The following DCDC1 variants were observed in gnomAD, a reference collection of about 807,000 sequenced individuals.
The protein encoded by DCDC1 is doublecortin domain-containing protein 1.
A neutral mutation model predicts 178.3 loss-of-function variants in DCDC1; 200 were observed. The observed-to-expected ratio is 1.12, with a 90% CI of 1.00 to 1.26. The LOEUF is 1.26. Among genes scored for constraint, DCDC1 ranks in the 50% most tolerant of loss-of-function variants. The pLI is 0.00. For missense variants in DCDC1, 1,983 were observed against 1,749.2 expected (o/e 1.13, Z -2.38); for synonymous variants, 690 against 604.8 (o/e 1.14, Z -2.07).
intron 18 of DCDC1, among the ~76,000 whole-genome samples, chr11:31,074,722 G>A (rs1956765729): frequency 6.6e-6 from 1 of 152,172 alleles, no homozygotes; most frequent in African/African-American, 2.4e-5. Context: ...GAAGTAGGGT[G>A]TTGTTATAAC....
chr11:30,894,216 G>A (rs1324517927), intron 35 of DCDC1, 32 bp downstream of exon 35: 4 of 1,594,574 alleles, frequency 2.5e-6, no homozygotes, highest in Non-Finnish European at 3.4e-6. Context: ...AAAGGGCAGA[G>A]TCTTTAATGT....
chr11:31,116,538 T>C (rs1565305478), intron 11 of DCDC1, among the ~76,000 whole-genome samples: 1 of 152,060 alleles, frequency 6.6e-6, no homozygotes, highest in Non-Finnish European at 1.5e-5. Flanking sequence ...GGATGGTTTT[T>C]AGAATATCCA....
In DCDC1 at chr11:30,960,149, G is replaced by A. The variant is rs185058416; in HGVS notation, c.2592-7581C>T. On this transcript the variant is annotated intron_variant, in intron 20 of 38. Coordinates refer to ENST00000684477, the MANE Select transcript of DCDC1 (RefSeq NM_001387274.1). ...CTCAACCAAGAAGTTGGGTGTTGGG[G>A]ATGGAATTTAATCTTCAAGTATAAA... is the stretch of plus-strand genomic sequence containing the variant. Among the ~76,000 whole-genome samples the A allele has an allele frequency of 1.2e-4, 19 of 152,180 alleles. No homozygotes were observed. The East Asian group carries it at 3.5e-3, about 28-fold the overall frequency.
intron 7 of DCDC1, among the ~76,000 whole-genome samples, chr11:31,272,999 C>T (rs1022158085): frequency 6.6e-5 from 10 of 152,304 alleles, no homozygotes; most frequent in East Asian, 1.9e-4. Flanking sequence ...CTTTCAGCCA[C>T]GGCTGGAGCA....
At chr11:31,350,147 A>G (rs1294577382) in intron 1 of DCDC1, among the ~76,000 whole-genome samples, 1 of 152,196 alleles carries the variant, frequency 6.6e-6, no homozygotes, top group East Asian at 1.9e-4. Flanking sequence ...TTCTAAAATT[A>G]TCAGAAGTAT....
intron 25 of DCDC1, among the ~76,000 whole-genome samples, chr11:30,919,443 A>G (rs1376804036): frequency 2.0e-5 from 3 of 152,208 alleles, no homozygotes; most frequent in African/African-American, 7.2e-5. Flanking sequence ...CCAGGCCTTC[A>G]TGAAATCTCT....
chr11:31,317,979 A>AACC (rs1274181107), intron 3 of DCDC1, among the ~76,000 whole-genome samples: 1 of 1,076 alleles, frequency 9.3e-4, no homozygotes, highest in East Asian at 0.017. Flanking sequence ...GCGTATATTG[A>AACC]ACCAGCCTTG....
At chr11:30,999,092 G>T (rs1951427568) in intron 20 of DCDC1, among the ~76,000 whole-genome samples, 1 of 152,086 alleles carries the variant, frequency 6.6e-6, no homozygotes, top group South Asian at 2.1e-4. Context: ...ATTCAGAAGG[G>T]TCAAGGCTAT....
At chr11:31,301,735 A>T (rs1349971408) in intron 6 of DCDC1, among the ~76,000 whole-genome samples, 2 of 152,198 alleles carry the variant, frequency 1.3e-5, no homozygotes, top group African/African-American at 4.8e-5. Context: ...TAAAATGATG[A>T]GAATCCATCA....
At chr11:31,285,063 TTC>T (rs1249232427) in intron 7 of DCDC1, among the ~76,000 whole-genome samples, 5 of 152,216 alleles carry the variant, frequency 3.3e-5, no homozygotes, top group African/African-American at 1.2e-4. Flanking sequence ...ACATTCTTTT[TTC>T]TTTTTGCTTT....
intron 9 of DCDC1, among the ~76,000 whole-genome samples, chr11:31,223,141 T>A (rs1027904072): frequency 6.6e-6 from 1 of 152,176 alleles, no homozygotes; most frequent in Non-Finnish European, 1.5e-5. Context: ...ATTTTCAATT[T>A]GAACATTATC....
chr11:31,270,926 C>T (rs150086670), intron 7 of DCDC1, among the ~76,000 whole-genome samples: 3 of 152,172 alleles, frequency 2.0e-5, no homozygotes, highest in Non-Finnish European at 4.4e-5. Flanking sequence ...TGCTGCTGGA[C>T]AAAGTCACAC....
At chr11:31,033,479 T>A in intron 20 of DCDC1, among the ~76,000 whole-genome samples, 1 of 152,288 alleles carries the variant, frequency 6.6e-6, no homozygotes, top group South Asian at 2.1e-4. Context: ...AGTTGTTTCT[T>A]CTCTCCCATT....
chr11:30,965,706 G>T (rs1478477719), intron 20 of DCDC1, among the ~76,000 whole-genome samples: 1 of 142,842 alleles, frequency 7.0e-6, no homozygotes, highest in Non-Finnish European at 1.5e-5. Flanking sequence ...AGCCACTAAC[G>T]TGTCATCTAG....
rs1302912040 is a variant in DCDC1 at position 31,127,580 on chromosome 11, A to T, written c.1374T>A (p.Cys458Ter). ...CAGCCTGTAATTGGGGGCCAAGTTT[A>T]CAGAGATGACCTATGTTACTTTTGA... Reference protein sequence around the residue: ...TAIKSNIGHLCKLGPQLQAEQ... With the variant: ...TAIKSNIGHL The change falls in exon 11 of 39, where the codon TGT (cysteine) becomes TGA (stop). Residue 458 changes from cysteine to a stop codon, truncating the protein, a stop_gained. Transcript: ENST00000684477. LOFTEE classifies it high-confidence loss of function. The T allele has an allele frequency of 1.4e-6, 1 of 702,602 alleles. No individual in the cohort carries two copies. Among genetic ancestry groups the T allele is most frequent in the East Asian group, 2.7e-5 (1 of 37,278 alleles). 43.5% of individuals were successfully genotyped at this position (702,602 alleles called of 1,614,324 possible).
intron 5 of DCDC1, 55 bp from the exon 6 acceptor site, chr11:31,305,832 T>C (rs1948421835): frequency 3.2e-6 from 5 of 1,575,880 alleles, no homozygotes; most frequent in African/African-American, 1.4e-5. Context: ...AAGTAATATA[T>C]TTCCCTCAAA....
intron 38 of DCDC1, among the ~76,000 whole-genome samples, chr11:30,873,364 TAG>T (rs3076153): frequency 2.4e-4 from 33 of 137,084 alleles, no homozygotes; most frequent in African/African-American, 3.6e-4. Context: ...TATATATATA[TAG>T]AGAGAGAGAG....
At chr11:31,329,455 T>C (rs1949843169) in intron 2 of DCDC1, among the ~76,000 whole-genome samples, 1 of 152,142 alleles carries the variant, frequency 6.6e-6, no homozygotes, top group African/African-American at 2.4e-5. Context: ...CGTGCAGGAT[T>C]GTTACATATG....
At chr11:31,027,462 C>T (rs1204948005) in intron 20 of DCDC1, among the ~76,000 whole-genome samples, 4 of 151,802 alleles carry the variant, frequency 2.6e-5, no homozygotes, top group Admixed American at 6.6e-5. Context: ...GATTTTAGCC[C>T]ATTTTCCAGG....
Sources: allele counts gnomAD v4.1 joint callset (sites outside exome capture counted in the v4.1 genomes callset), GRCh38; gene constraint gnomAD v4.1.1; transcripts MANE v1.5; gene names NCBI Gene and HGNC (gene_info 2026-07-23, HGNC 2026-07-21).